GOLM2: variants seen among roughly 807,000 people sequenced by gnomAD.
The protein encoded by GOLM2 is golgi membrane protein 2.
GOLM2 carries 26 observed loss-of-function variants against 55.9 expected under a neutral mutation model. The ratio of observed to expected loss-of-function variants is 0.47; its 90% confidence interval spans 0.34 to 0.65. The LOEUF is 0.65. Among genes scored for constraint, GOLM2 ranks in the 30% least tolerant of loss-of-function variants. GOLM2 has a pLI of 0.01. For synonymous variants in GOLM2, 165 were observed against 194.6 expected, an observed-to-expected ratio of 0.85 and a Z score of 1.27; for missense variants, 486 against 531.8, an observed-to-expected ratio of 0.91 and a Z score of 0.85.
intron 4 of GOLM2, among the ~76,000 whole-genome samples, chr15:44,336,135 T>A (rs972659683): frequency 7.3e-6 from 1 of 136,406 alleles, no homozygotes; most frequent in African/African-American, 2.8e-5. Flanking sequence ...CTTTTTCTAT[T>A]TAATGGAGTG....
At chr15:44,360,718 A>G (rs1179406469) in intron 6 of GOLM2, among the ~76,000 whole-genome samples, 2 of 152,194 alleles carry the variant, frequency 1.3e-5, no homozygotes, top group Non-Finnish European at 2.9e-5. Context: ...AGACATCTAC[A>G]GAACTCTCCA....
At chr15:44,366,817 AT>A (rs879347156) in intron 6 of GOLM2, among the ~76,000 whole-genome samples, 6 of 152,240 alleles carry the variant, frequency 3.9e-5, no homozygotes, top group Non-Finnish European at 8.8e-5. Context: ...CACTATAATC[AT>A]GCTACCCGTA....
chr15:44,404,829 G>A (rs927946762), intron 9 of GOLM2, among the ~76,000 whole-genome samples: 3 of 151,598 alleles, frequency 2.0e-5, no homozygotes, highest in Admixed American at 1.3e-4. Flanking sequence ...TGCTTTTCTC[G>A]TTGAGCATTT....
intron 9 of GOLM2, among the ~76,000 whole-genome samples, chr15:44,407,993 G>T (rs571039164): frequency 6.6e-6 from 1 of 151,436 alleles, no homozygotes; most frequent in African/African-American, 2.4e-5. Context: ...CTCATGATCT[G>T]CCCGCCTCAG....
At position 44,298,566 on chromosome 15, in the gene GOLM2, G is replaced by A. The variant is rs537463021; in HGVS notation, c.327+9210G>A. Among the ~76,000 whole-genome samples the A allele has an allele frequency of 5.9e-5, 9 of 152,006 alleles. No individual in the cohort carries two copies. In the East Asian group the frequency reaches 1.7e-3, roughly 29 times the overall value. ...GCTGGGATTACAGGTGTGAGCCACT[G>A]CTCCCAGCCATGCTTTTCCTTCTTT... On this transcript the variant is annotated intron_variant, in intron 1 of 9. Transcript: ENST00000299957.
intron 8 of GOLM2, among the ~76,000 whole-genome samples, chr15:44,398,430 A>G (rs549053971): frequency 6.6e-6 from 1 of 152,306 alleles, no homozygotes; most frequent in Admixed American, 6.5e-5. Context: ...CTGAGACTAC[A>G]GGTGTGTGCC....
intron 1 of GOLM2, among the ~76,000 whole-genome samples, chr15:44,311,713 G>A (rs939397568): frequency 2.0e-5 from 3 of 151,964 alleles, no homozygotes; most frequent in South Asian, 2.1e-4. Context: ...GCAATGGCAC[G>A]ATCTTGGCTC....
At chr15:44,335,572 G>A (rs1595632523) in intron 4 of GOLM2, among the ~76,000 whole-genome samples, 1 of 152,306 alleles carries the variant, frequency 6.6e-6, no homozygotes, top group South Asian at 2.1e-4. Flanking sequence ...GCATTATAGT[G>A]AAGATGCACA....
intron 6 of GOLM2, among the ~76,000 whole-genome samples, chr15:44,359,081 C>T (rs948200177): frequency 6.6e-5 from 10 of 151,708 alleles, no homozygotes; most frequent in South Asian, 6.3e-4. Context: ...ACCAGGGAGG[C>T]GGAGGTTGCA....
chr15:44,340,949 A>C (rs1354012456), intron 6 of GOLM2, among the ~76,000 whole-genome samples: 1 of 152,186 alleles, frequency 6.6e-6, no homozygotes, highest in East Asian at 1.9e-4. Context: ...GAAGCACTCT[A>C]TTCAGATATG....
rs1365973460 is a variant in GOLM2 at position 44,380,861 on chromosome 15, T to C, written c.957T>C (p.Ser319=). The change falls in exon 8 of 10, where the codon AGT becomes AGC. Residue 319 remains serine (S), a synonymous_variant. Transcript: ENST00000299957. The part of the protein sequence containing the change: ...NPGTSKQNPS[S]PLQRLIPGSN... ...GTACTTCAAAACAGAATCCTTCCAG[T>C]CCTCTTCAGCGTTTAATTCCAGGCT... 2.5e-6 allele frequency: 4 copies of C among 1,597,798 alleles called. No homozygotes were observed. The highest frequency in any genetic ancestry group is 3.4e-6 in the Non-Finnish European group (4 of 1,171,604).
intron 3 of GOLM2, among the ~76,000 whole-genome samples, chr15:44,330,585 G>C (rs1009264648): frequency 2.0e-5 from 3 of 150,724 alleles, no homozygotes. Flanking sequence ...CCCAAAACTA[G>C]CTGGGTATGC....
intron 8 of GOLM2, among the ~76,000 whole-genome samples, chr15:44,395,012 AC>A (rs2079515041): frequency 1.3e-5 from 2 of 150,940 alleles, no homozygotes; most frequent in African/African-American, 4.9e-5. Context: ...AAAAATATAA[AC>A]TTTTTTTTTT....
chr15:44,360,471 G>C (rs1214243983), intron 6 of GOLM2, among the ~76,000 whole-genome samples: 3 of 152,142 alleles, frequency 2.0e-5, no homozygotes, highest in Non-Finnish European at 4.4e-5. Context: ...ATTACATAAT[G>C]GTAAAGGGAT....
At chr15:44,306,228 A>T (rs1284368296) in intron 1 of GOLM2, among the ~76,000 whole-genome samples, 1 of 151,934 alleles carries the variant, frequency 6.6e-6, no homozygotes, top group Non-Finnish European at 1.5e-5. Flanking sequence ...TCTTAGCTAG[A>T]TTTTCTGGAT....
At chr15:44,302,004 T>G (rs1347135478) in intron 1 of GOLM2, among the ~76,000 whole-genome samples, 2 of 151,904 alleles carry the variant, frequency 1.3e-5, no homozygotes, top group African/African-American at 4.8e-5. Flanking sequence ...AAAAAAAAGT[T>G]CACCATGTGG....
chr15:44,343,197 G>A (rs947325968), intron 6 of GOLM2, among the ~76,000 whole-genome samples: 1 of 151,858 alleles, frequency 6.6e-6, no homozygotes, highest in African/African-American at 2.4e-5. Flanking sequence ...GCTGGGTGTG[G>A]TGGTGGGCAC....
At chr15:44,342,467 A>G (rs2079096505) in intron 6 of GOLM2, among the ~76,000 whole-genome samples, 2 of 151,918 alleles carry the variant, frequency 1.3e-5, no homozygotes, top group African/African-American at 4.8e-5. Context: ...GGGTGTCGTT[A>G]TGTTATCCAG....
intron 4 of GOLM2, among the ~76,000 whole-genome samples, chr15:44,334,014 C>T (rs1397424813): frequency 6.6e-6 from 1 of 152,136 alleles, no homozygotes; most frequent in Non-Finnish European, 1.5e-5. Flanking sequence ...CACGCCCGGC[C>T]GCTCTCTTCT....
Sources: gnomAD v4.1 joint callset for allele counts (sites outside exome capture counted in the v4.1 genomes callset) on GRCh38, gnomAD v4.1.1 for gene constraint, MANE v1.5 for transcripts, NCBI Gene and HGNC (gene_info 2026-07-23, HGNC 2026-07-21) for gene names.